The following GALNT13 variants were observed in gnomAD, a reference collection of about 807,000 sequenced individuals.
GALNT13 encodes the protein polypeptide N-acetylgalactosaminyltransferase 13.
A neutral mutation model predicts 64.2 loss-of-function variants in GALNT13; 28 were observed. That is an observed-to-expected ratio of 0.44 (90% CI 0.32 to 0.60). The LOEUF is 0.60. Ranked by LOEUF, GALNT13 falls within the 20% of genes least tolerant of loss-of-function variation. GALNT13 has a pLI of 0.05. For synonymous variants in GALNT13, 214 were observed against 224.6 expected, an observed-to-expected ratio of 0.95 and a Z score of 0.42; for missense variants, 577 against 669.8, an observed-to-expected ratio of 0.86 and a Z score of 1.53.
intron 8 of GALNT13, among the ~76,000 whole-genome samples, chr2:154,267,653 CAAACAAAA>C (rs1182858002): frequency 6.6e-6 from 1 of 151,196 alleles, no homozygotes. Context: ...AACAAACAAA[CAAACAAAA>C]AAACTTGTGC....
the GALNT13 span, among the ~76,000 whole-genome samples, chr2:153,157,318 T>A: frequency 3.3e-5 from 5 of 152,188 alleles, no homozygotes; most frequent in African/African-American, 9.7e-5. Context: ...TGTCTCTGCA[T>A]GTGGCTCATA....
At chr2:154,216,669 C>T (rs1688058970) in intron 4 of GALNT13, among the ~76,000 whole-genome samples, 1 of 151,910 alleles carries the variant, frequency 6.6e-6, no homozygotes, top group Non-Finnish European at 1.5e-5. Context: ...AAATGAACCA[C>T]TTTACATAGA....
chr2:154,354,981 C>A (rs1316162897), intron 9 of GALNT13, among the ~76,000 whole-genome samples: 1 of 152,050 alleles, frequency 6.6e-6, no homozygotes, highest in Non-Finnish European at 1.5e-5. Flanking sequence ...CCTGCCATAA[C>A]CCTTCCCAGT....
the GALNT13 span, among the ~76,000 whole-genome samples, chr2:153,834,016 A>T: frequency 6.0e-3 from 904 of 151,912 alleles, 4 homozygotes; most frequent in Non-Finnish European, 0.011. Context: ...TAAAAAATTA[A>T]TTTTTTTTGT....
In GALNT13 at chr2:154,167,632, C is replaced by T. The variant is rs529840717; in HGVS notation, c.311+27127C>T. Reference sequence around the variant, plus strand: ...CAAAGCCCTAAGGTGGCACTGAACACAGAGGGAGGGCAATGGTCAGTGTGA... The same window carrying T: ...CAAAGCCCTAAGGTGGCACTGAACATAGAGGGAGGGCAATGGTCAGTGTGA... On this transcript the variant is annotated intron_variant, in intron 4 of 12. Coordinates refer to ENST00000392825, the MANE Select transcript of GALNT13 (RefSeq NM_052917.4). 7.2e-5 allele frequency among the ~76,000 whole-genome samples: 11 copies of T among 152,224 alleles called. No homozygotes were observed. In the East Asian group the frequency reaches 2.1e-3, roughly 29 times the overall value.
chr2:154,015,328 A>T (rs1267376644), intron 3 of GALNT13, among the ~76,000 whole-genome samples: 1 of 152,248 alleles, frequency 6.6e-6, no homozygotes, highest in South Asian at 2.1e-4. Context: ...ATAAAAAATT[A>T]AATTAGTTAC....
the GALNT13 span, among the ~76,000 whole-genome samples, chr2:153,306,262 A>G: frequency 6.6e-6 from 1 of 152,198 alleles, no homozygotes; most frequent in South Asian, 2.1e-4. Flanking sequence ...GGAAGATTTT[A>G]TAATTGCTGT....
the GALNT13 span, among the ~76,000 whole-genome samples, chr2:153,139,748 AGGGG>A: frequency 6.6e-6 from 1 of 151,880 alleles, no homozygotes; most frequent in South Asian, 2.1e-4. Flanking sequence ...TGCCAGGGAG[AGGGG>A]GGATAATCAG....
chr2:154,143,057 T>G (rs1471888845), intron 4 of GALNT13, among the ~76,000 whole-genome samples: 1 of 152,192 alleles, frequency 6.6e-6, no homozygotes, highest in Non-Finnish European at 1.5e-5. Flanking sequence ...GGGACCAGTT[T>G]TGTGGAAGAC....
chr2:154,114,953 T>C (rs970790796), intron 3 of GALNT13, among the ~76,000 whole-genome samples: 1 of 152,194 alleles, frequency 6.6e-6, no homozygotes, highest in African/African-American at 2.4e-5. Context: ...CCCACTGTAT[T>C]TAAATTTTGT....
intron 12 of GALNT13, among the ~76,000 whole-genome samples, chr2:154,450,068 T>G (rs1233652819): frequency 2.0e-5 from 3 of 152,054 alleles, no homozygotes; most frequent in Non-Finnish European, 4.4e-5. Context: ...AAAACTAAGC[T>G]TTTGCAAAAG....
At chr2:154,134,156 A>G (rs1017016218) in intron 3 of GALNT13, among the ~76,000 whole-genome samples, 2 of 152,228 alleles carry the variant, frequency 1.3e-5, no homozygotes, top group Non-Finnish European at 2.9e-5. Context: ...TATGTGTCCA[A>G]GAGGAACAAC....
the GALNT13 span, among the ~76,000 whole-genome samples, chr2:153,776,949 G>A: frequency 6.6e-5 from 10 of 152,306 alleles, no homozygotes; most frequent in African/African-American, 2.4e-4. Context: ...GAATCTCATG[G>A]TGAAAAGTGG....
At chr2:153,705,674 A>G in the GALNT13 span, among the ~76,000 whole-genome samples, 1 of 152,190 alleles carries the variant, frequency 6.6e-6, no homozygotes, top group Admixed American at 6.5e-5. Context: ...CAGTTGCACA[A>G]ACACATTTCA....
At chr2:153,963,727 C>CTGTGTGTG (rs1453388252) in intron 3 of GALNT13, among the ~76,000 whole-genome samples, 39 of 96,670 alleles carry the variant, frequency 4.0e-4, no homozygotes, top group African/African-American at 1.6e-3. Flanking sequence ...CTCTCTCTCT[C>CTGTGTGTG]TCTCTGTGTG....
the GALNT13 span, among the ~76,000 whole-genome samples, chr2:153,510,104 A>G: frequency 6.6e-6 from 1 of 152,226 alleles, no homozygotes; most frequent in Non-Finnish European, 1.5e-5. Flanking sequence ...AATTGCAGGC[A>G]GAAAATGTTC....
chr2:153,465,126 A>C, the GALNT13 span, among the ~76,000 whole-genome samples: 2 of 152,284 alleles, frequency 1.3e-5, no homozygotes, highest in Non-Finnish European at 2.9e-5. Context: ...ATGTCTCCAC[A>C]TGTCTGTGTC....
the GALNT13 span, among the ~76,000 whole-genome samples, chr2:153,705,998 A>G: frequency 6.6e-6 from 1 of 151,854 alleles, no homozygotes; most frequent in South Asian, 2.1e-4. Context: ...CTATATATAT[A>G]TATATTTTCT....
At chr2:153,465,733 T>C in the GALNT13 span, among the ~76,000 whole-genome samples, 1 of 151,996 alleles carries the variant, frequency 6.6e-6, no homozygotes, top group African/African-American at 2.4e-5. Flanking sequence ...CGCAAAGCCA[T>C]TTTGAGTGTA....
Sources: gnomAD v4.1 joint callset for allele counts (sites outside exome capture counted in the v4.1 genomes callset) on GRCh38, gnomAD v4.1.1 for gene constraint, MANE v1.5 for transcripts, NCBI Gene and HGNC (gene_info 2026-07-23, HGNC 2026-07-21) for gene names.